ASTN2: variants seen among roughly 807,000 people sequenced by gnomAD.
ASTN2 encodes the protein astrotactin 2.
Under a neutral mutation model 139.8 loss-of-function variants are expected in ASTN2, and 54 were observed. The ratio of observed to expected loss-of-function variants is 0.39; its 90% CI spans 0.31 to 0.48. The LOEUF is 0.48. ASTN2 is among the 20% of genes least tolerant of loss of function. The pLI is 0.95. For synonymous variants in ASTN2, 756 were observed against 719.5 expected (o/e 1.05, Z -0.81); for missense variants, 1,565 against 1,725.1 (o/e 0.91, Z 1.64).
intron 1 of ASTN2, among the ~76,000 whole-genome samples, chr9:117,360,363 C>T (rs533555023): frequency 2.8e-4 from 43 of 152,210 alleles, no homozygotes; most frequent in African/African-American, 5.5e-4. Flanking sequence ...GAGTATACAA[C>T]AGCAGGTGTC....
In ASTN2 at chr9:116,658,411, T is replaced by A. The variant is rs1048932386; in HGVS notation, c.2807-6618A>T. Among the ~76,000 whole-genome samples, 15 of 152,236 alleles carry A rather than the reference T, an allele frequency of 9.9e-5. 1 individual carries two copies. In the South Asian group the frequency reaches 2.9e-3, roughly 30 times the overall value. ...TCCTCTGAACTGTATATGGGTCACA[T>A]AGAAGAAAGAACTGGCCTGGAACTG... On this transcript the variant is annotated intron_variant, in intron 16 of 22. Transcript: ENST00000313400.
chr9:116,577,220 T>C (rs913087018), intron 19 of ASTN2, among the ~76,000 whole-genome samples: 2 of 152,212 alleles, frequency 1.3e-5, no homozygotes, highest in East Asian at 3.9e-4. Context: ...GCCAGTAAAA[T>C]GGGAAGACAC....
chr9:116,702,452 C>A (rs2132082369), intron 16 of ASTN2, among the ~76,000 whole-genome samples: 1 of 152,250 alleles, frequency 6.6e-6, no homozygotes, highest in Middle Eastern at 3.4e-3. Flanking sequence ...CTCTTCCTTT[C>A]TACTGTCTAT....
Position 116,581,362 on chromosome 9 carries a change from A to T in ASTN2, c.3355+36962T>A, listed in dbSNP as rs143970648. On this transcript the variant is annotated intron_variant, in intron 19 of 22. Transcript: ENST00000313400. ...TTACATCTCCAATCAGTTGACCACT[A>T]CCTTACTTCTTTAAGGCTTCTTTCC... 4.6e-5 allele frequency among the ~76,000 whole-genome samples: 7 copies of T among 151,982 alleles called. No homozygotes were observed. The East Asian group carries it at 1.4e-3, about 29-fold the overall frequency.
At chr9:116,549,448 G>C (rs572110439) in intron 19 of ASTN2, among the ~76,000 whole-genome samples, 6 of 152,154 alleles carry the variant, frequency 3.9e-5, no homozygotes, top group African/African-American at 1.4e-4. Context: ...ATTGCAACCC[G>C]GGCAAGAGCT....
At chr9:117,258,151 C>T (rs556123629) in intron 2 of ASTN2, among the ~76,000 whole-genome samples, 11 of 152,226 alleles carry the variant, frequency 7.2e-5, no homozygotes, top group Non-Finnish European at 1.3e-4. Flanking sequence ...TCCCATCAAA[C>T]GCATGGGTCA....
chr9:117,138,109 A>G (rs1829994194), intron 4 of ASTN2, among the ~76,000 whole-genome samples: 1 of 152,190 alleles, frequency 6.6e-6, no homozygotes, highest in African/African-American at 2.4e-5. Context: ...TCTATGTGTT[A>G]GATTTATAAA....
At chr9:116,696,581 C>A (rs1486878069) in intron 16 of ASTN2, among the ~76,000 whole-genome samples, 2 of 152,272 alleles carry the variant, frequency 1.3e-5, no homozygotes, top group East Asian at 3.9e-4. Context: ...ATGTCATCTT[C>A]CCTTTGAAAA....
At chr9:117,168,998 A>G (rs532545133) in intron 3 of ASTN2, among the ~76,000 whole-genome samples, 1 of 152,250 alleles carries the variant, frequency 6.6e-6, no homozygotes, top group Non-Finnish European at 1.5e-5. Context: ...CTGAGCCTCA[A>G]TATCCTCAGC....
intron 2 of ASTN2, among the ~76,000 whole-genome samples, chr9:117,241,932 CCACACA>C (rs956025540): frequency 2.0e-5 from 3 of 147,768 alleles, no homozygotes; most frequent in African/African-American, 7.6e-5. Context: ...TTACCCCCCC[CCACACA>C]CACACACACC....
intron 1 of ASTN2, among the ~76,000 whole-genome samples, chr9:117,306,457 C>T (rs1298165668): frequency 6.6e-6 from 1 of 152,168 alleles, no homozygotes; most frequent in African/African-American, 2.4e-5. Flanking sequence ...TCTGAGTAGC[C>T]TCCTTGCTCT....
chr9:116,817,892 G>A (rs1831375367), intron 12 of ASTN2, among the ~76,000 whole-genome samples: 1 of 152,118 alleles, frequency 6.6e-6, no homozygotes, highest in Non-Finnish European at 1.5e-5. Context: ...GAAATTGAGT[G>A]GCTTGCCAAA....
intron 1 of ASTN2, among the ~76,000 whole-genome samples, chr9:117,368,769 T>C (rs967168212): frequency 2.0e-5 from 3 of 152,198 alleles, no homozygotes; most frequent in African/African-American, 7.2e-5. Flanking sequence ...ATTTTTAACA[T>C]GTTGGTTTAT....
chr9:116,558,494 T>G (rs1852745896), intron 19 of ASTN2, among the ~76,000 whole-genome samples: 1 of 152,100 alleles, frequency 6.6e-6, no homozygotes, highest in Non-Finnish European at 1.5e-5. Flanking sequence ...AGAGAGCTTA[T>G]GGAAGGACAT....
intron 13 of ASTN2, among the ~76,000 whole-genome samples, chr9:116,755,366 A>G (rs1829507058): frequency 6.6e-6 from 1 of 152,152 alleles, no homozygotes; most frequent in Non-Finnish European, 1.5e-5. Context: ...GAGGTAACTG[A>G]GTTAAAATGA....
chr9:117,392,713 G>C (rs1297567745), intron 1 of ASTN2, among the ~76,000 whole-genome samples: 1 of 152,212 alleles, frequency 6.6e-6, no homozygotes, highest in Non-Finnish European at 1.5e-5. Flanking sequence ...TCTCTTAAGA[G>C]AGTTTATCAG....
chr9:116,697,702 A>T (rs201288003), intron 16 of ASTN2: 8 of 1,612,014 alleles, frequency 5.0e-6, no homozygotes, highest in Non-Finnish European at 6.8e-6. Context: ...TGTGCTGTTC[A>T]GTTCTGAGCT....
intron 1 of ASTN2, among the ~76,000 whole-genome samples, chr9:117,412,681 G>T (rs1263774947): frequency 6.6e-6 from 1 of 152,174 alleles, no homozygotes; most frequent in Non-Finnish European, 1.5e-5. Context: ...GCCGTTTGGG[G>T]GGCGGGAGGA....
chr9:116,666,695 C>G (rs991645672), intron 16 of ASTN2, among the ~76,000 whole-genome samples: 2 of 151,854 alleles, frequency 1.3e-5, no homozygotes, highest in African/African-American at 4.8e-5. Context: ...GGGTTATAGT[C>G]TTCAACATTC....
Sources: gnomAD v4.1 joint callset for allele counts (sites outside exome capture counted in the v4.1 genomes callset) on GRCh38, gnomAD v4.1.1 for gene constraint, MANE v1.5 for transcripts, NCBI Gene and HGNC (gene_info 2026-07-23, HGNC 2026-07-21) for gene names.